TSHZ2: variants seen among roughly 807,000 people sequenced by gnomAD.
TSHZ2 encodes the protein teashirt zinc finger homeobox 2, also known as teashirt homolog 2.
TSHZ2 carries 21 observed loss-of-function variants against 74.4 expected under a neutral mutation model. The observed-to-expected ratio is 0.28, with a 90% confidence interval of 0.20 to 0.41. The LOEUF is 0.41. Ranked by LOEUF, TSHZ2 falls within the 10% of genes least tolerant of loss-of-function variation. The pLI, the probability that TSHZ2 is intolerant of heterozygous loss-of-function variation, is 1.00. For missense variants in TSHZ2, 1,244 were observed against 1,293.5 expected, an observed-to-expected ratio of 0.96 and a Z score of 0.59; for synonymous variants, 540 against 515.3, an observed-to-expected ratio of 1.05 and a Z score of -0.65.
chr20:53,462,504 A>T (rs1985411505), intron 2 of TSHZ2, among the ~76,000 whole-genome samples: 1 of 152,054 alleles, frequency 6.6e-6, no homozygotes, highest in South Asian at 2.1e-4. Flanking sequence ...TACCTTCCCT[A>T]CTGCCACCCT....
At chr20:53,390,836 G>A (rs1429404604) in intron 2 of TSHZ2, among the ~76,000 whole-genome samples, 4 of 152,064 alleles carry the variant, frequency 2.6e-5, no homozygotes, top group Admixed American at 6.5e-5. Flanking sequence ...TTTAATGATC[G>A]ACATTCTAAC....
At chr20:53,249,611 CAAAG>C (rs1459108370) in intron 1 of TSHZ2, among the ~76,000 whole-genome samples, 1 of 152,094 alleles carries the variant, frequency 6.6e-6, no homozygotes, top group Non-Finnish European at 1.5e-5. Context: ...ATGGTGCAGA[CAAAG>C]AACTTTTCGG....
At chr20:53,297,160 A>G (rs899131246) in intron 2 of TSHZ2, among the ~76,000 whole-genome samples, 1 of 152,110 alleles carries the variant, frequency 6.6e-6, no homozygotes, top group Admixed American at 6.5e-5. Flanking sequence ...AGAAATAGCA[A>G]TGGGAACCAG....
At chr20:53,341,237 G>A (rs6013664) in intron 2 of TSHZ2, among the ~76,000 whole-genome samples, 1,725 of 152,200 alleles carry the variant, frequency 0.011, 26 homozygotes, top group African/African-American at 0.039. Flanking sequence ...ATCCACCTCC[G>A]ATCGCCAGCC....
intron 2 of TSHZ2, among the ~76,000 whole-genome samples, chr20:53,484,169 G>T (rs759240935): frequency 8.9e-4 from 135 of 152,054 alleles, no homozygotes; most frequent in Non-Finnish European, 4.1e-4. Context: ...AACAAAGATT[G>T]CCAGGGACCC....
Position 53,094,222 on chromosome 20 carries a change from A to T in TSHZ2, c.40+120889A>T, listed in dbSNP as rs533744988. ...TACTGCCTGATTCTTTACAGAAAAC[A>T]TTTGCCAACTACTGTACTAAGTCAT... On this transcript the variant is annotated intron_variant, in intron 1 of 2. Coordinates refer to ENST00000371497, the MANE Select transcript of TSHZ2 (RefSeq NM_173485.6). 3.9e-5 allele frequency among the ~76,000 whole-genome samples: 6 copies of T among 152,336 alleles called. No individual in the cohort carries two copies. In the East Asian group the frequency reaches 1.2e-3, roughly 29 times the overall value.
At chr20:53,093,406 C>T (rs1172332280) in intron 1 of TSHZ2, among the ~76,000 whole-genome samples, 3 of 152,232 alleles carry the variant, frequency 2.0e-5, no homozygotes, top group African/African-American at 7.2e-5. Flanking sequence ...TGCTTAAAGC[C>T]TTTCCGTGGT....
chr20:53,194,240 C>T (rs1311214383), intron 1 of TSHZ2, among the ~76,000 whole-genome samples: 4 of 152,308 alleles, frequency 2.6e-5, no homozygotes, highest in South Asian at 4.1e-4. Flanking sequence ...CATAGAATGT[C>T]CTCTGCCACT....
intron 1 of TSHZ2, among the ~76,000 whole-genome samples, chr20:53,122,298 A>G (rs1156897862): frequency 6.9e-6 from 1 of 145,136 alleles, no homozygotes; most frequent in East Asian, 2.1e-4. Flanking sequence ...CAAAAAAAAA[A>G]AAAAAGAAAG....
intron 1 of TSHZ2, among the ~76,000 whole-genome samples, chr20:52,986,795 T>C (rs1456505617): frequency 6.6e-6 from 1 of 152,206 alleles, no homozygotes; most frequent in Non-Finnish European, 1.5e-5. Context: ...GCAAATGATA[T>C]GGGTTTTTCA....
intron 2 of TSHZ2, among the ~76,000 whole-genome samples, chr20:53,423,400 C>CAAACAA (rs111966687): frequency 6.6e-6 from 1 of 151,984 alleles, no homozygotes; most frequent in African/African-American, 2.4e-5. Context: ...AACAAACAAA[C>CAAACAA]AAAAAAGGCT....
chr20:53,094,887 T>C (rs539503057), intron 1 of TSHZ2, among the ~76,000 whole-genome samples: 1 of 152,298 alleles, frequency 6.6e-6, no homozygotes, highest in Admixed American at 6.5e-5. Flanking sequence ...TTTCCCCAGA[T>C]TTACCTGTTG....
At chr20:53,203,543 G>A (rs974783671) in intron 1 of TSHZ2, among the ~76,000 whole-genome samples, 8 of 152,008 alleles carry the variant, frequency 5.3e-5, no homozygotes, top group African/African-American at 1.9e-4. Flanking sequence ...TGGGAAATGA[G>A]AAAGATGGTG....
chr20:53,217,219 C>T (rs751772888), intron 1 of TSHZ2, among the ~76,000 whole-genome samples: 25 of 152,158 alleles, frequency 1.6e-4, no homozygotes, highest in Non-Finnish European at 2.9e-4. Context: ...CGCGGCCCCA[C>T]CTGTCTGCGC....
chr20:53,019,731 G>A (rs1442673109), intron 1 of TSHZ2, among the ~76,000 whole-genome samples: 1 of 152,088 alleles, frequency 6.6e-6, no homozygotes, highest in Non-Finnish European at 1.5e-5. Flanking sequence ...GTAAAATGAG[G>A]ACATTGTTAC....
chr20:53,344,183 A>C (rs115905350), intron 2 of TSHZ2, among the ~76,000 whole-genome samples: 26 of 144,104 alleles, frequency 1.8e-4, no homozygotes, highest in African/African-American at 6.9e-4. Context: ...TCCAGCAAAA[A>C]ATTCTTACTA....
intron 1 of TSHZ2, among the ~76,000 whole-genome samples, chr20:52,991,242 T>C (rs1001097109): frequency 9.3e-5 from 14 of 150,058 alleles, no homozygotes; most frequent in African/African-American, 3.4e-4. Flanking sequence ...TATTAGTGTG[T>C]GTTGTGGGGG....
At position 53,427,078 on chromosome 20, in the gene TSHZ2, C is replaced by T. The variant is rs77616806; in HGVS notation, c.*9-60066C>T. Among the ~76,000 whole-genome samples, 1,085 of 152,266 alleles carry T rather than the reference C, an allele frequency of 7.1e-3. 63 individuals are homozygous for T. Among genetic ancestry groups the T allele is most frequent in the Admixed American group, 0.065 (997 of 15,292 alleles). On this transcript the variant is annotated intron_variant, in intron 2 of 2. Coordinates refer to ENST00000371497, the MANE Select transcript of TSHZ2 (RefSeq NM_173485.6). ...CAGCTCCCTTCATGGGCTGGAGCGC[C>T]GTGAAGCTCGCCTGCCTTGTCATTG...
intron 1 of TSHZ2, among the ~76,000 whole-genome samples, chr20:53,105,190 C>T (rs1986327034): frequency 6.6e-6 from 1 of 152,188 alleles, no homozygotes; most frequent in Non-Finnish European, 1.5e-5. Flanking sequence ...GAACTCATTT[C>T]GTGGCCACGT....
Sources: allele counts gnomAD v4.1 joint callset (sites outside exome capture counted in the v4.1 genomes callset), GRCh38; gene constraint gnomAD v4.1.1; transcripts MANE v1.5; gene names NCBI Gene and HGNC (gene_info 2026-07-23, HGNC 2026-07-21).